The following RANGAP1 variants were observed in gnomAD, a reference collection of about 807,000 sequenced individuals.
RANGAP1 encodes the protein ran GTPase-activating protein 1.
Under a neutral mutation model 63.5 loss-of-function variants are expected in RANGAP1, and 38 were observed. That is an observed-to-expected ratio of 0.60 (90% CI 0.46 to 0.78). The LOEUF (loss-of-function observed/expected upper bound fraction) is 0.78. Among genes scored for constraint, RANGAP1 ranks in the 30% least tolerant of loss-of-function variants. The pLI, the probability that RANGAP1 is intolerant of heterozygous loss-of-function variation, is 0.00. For missense variants in RANGAP1, 630 were observed against 740.3 expected (o/e 0.85, Z 1.73); for synonymous variants, 329 against 310.5 (o/e 1.06, Z -0.63).
chr22:41,253,081 C>T (rs746628155), intron 11 of RANGAP1, 90 bp from the exon 12 acceptor site: 1 of 1,261,820 alleles, frequency 7.9e-7, no homozygotes, highest in Non-Finnish European at 1.0e-6. Flanking sequence ...AGCACATCCA[C>T]CCTTCACTCC....
chr22:41,264,446 G>A (rs1039981765), intron 5 of RANGAP1, among the ~76,000 whole-genome samples: 10 of 152,198 alleles, frequency 6.6e-5, no homozygotes, highest in African/African-American at 1.7e-4. Context: ...CTCCCTCTGC[G>A]TTGCCAAGCC....
In RANGAP1 at chr22:41,280,916, A is replaced by C; in HGVS notation, c.112+17T>G. On this transcript the variant is annotated intron_variant, in intron 2 of 15. Transcript: ENST00000356244. ...TCCTCCCCTGGACACACCAGTGCAC[A>C]ACTTCCAGAAACTCACCATCTTCTG... The C allele has an allele frequency of 6.2e-7, 1 of 1,613,782 alleles. No homozygotes were observed. Among genetic ancestry groups the C allele is most frequent in the Non-Finnish European group, 8.5e-7 (1 of 1,180,026 alleles).
chr22:41,266,293 C>T (rs2034474170), intron 4 of RANGAP1, among the ~76,000 whole-genome samples: 2 of 151,496 alleles, frequency 1.3e-5, no homozygotes, highest in African/African-American at 4.8e-5. Context: ...CACATGCCAT[C>T]TTCTAACCCC....
At chr22:41,295,308 G>C in the RANGAP1 span, among the ~76,000 whole-genome samples, 1 of 151,756 alleles carries the variant, frequency 6.6e-6, no homozygotes, top group Non-Finnish European at 1.5e-5. Flanking sequence ...CCGTGTCTGT[G>C]TAGAAAGAGG....
At chr22:41,270,281 C>T (rs915945192) in intron 3 of RANGAP1, among the ~76,000 whole-genome samples, 2 of 152,214 alleles carry the variant, frequency 1.3e-5, no homozygotes, top group East Asian at 1.9e-4. Flanking sequence ...GATGGGATTA[C>T]AGGCACCCGC....
intron 5 of RANGAP1, among the ~76,000 whole-genome samples, chr22:41,264,233 G>A (rs2034334374): frequency 1.3e-5 from 2 of 152,200 alleles, no homozygotes; most frequent in African/African-American, 2.4e-5. Flanking sequence ...GACCTTGCCT[G>A]AGGACACCTC....
At chr22:41,265,004 G>A (rs1405047098) in intron 4 of RANGAP1, among the ~76,000 whole-genome samples, 161 bp from the exon 5 acceptor site, 2 of 152,252 alleles carry the variant, frequency 1.3e-5, no homozygotes, top group Non-Finnish European at 2.9e-5. Flanking sequence ...TGGAAACCCT[G>A]CAAAGGGCTC....
intron 2 of RANGAP1, 78 bp downstream of exon 2, chr22:41,280,855 A>G: frequency 1.3e-6 from 2 of 1,594,986 alleles, no homozygotes; most frequent in Non-Finnish European, 1.7e-6. Context: ...TAGCAGAAAG[A>G]GCCTGACAAC....
chr22:41,253,363 G>T (rs1445878747), intron 11 of RANGAP1, among the ~76,000 whole-genome samples: 3 of 152,254 alleles, frequency 2.0e-5, no homozygotes, highest in Non-Finnish European at 4.4e-5. Context: ...AGCCCTGCTA[G>T]CACCAGAGGT....
chr22:41,294,966 T>C, the RANGAP1 span, among the ~76,000 whole-genome samples: 11 of 91,988 alleles, frequency 1.2e-4, no homozygotes, highest in African/African-American at 4.2e-4. Context: ...CCGCCCCATC[T>C]GGGAGGGAGG....
chr22:41,254,535 C>T (rs1214531308), intron 10 of RANGAP1, 41 bp from the exon 11 acceptor site: 1 of 1,543,942 alleles, frequency 6.5e-7, no homozygotes, highest in Non-Finnish European at 8.7e-7. Context: ...CTCTACCCAG[C>T]AGCCCAGGTT....
chr22:41,279,265 T>A (rs1053760055), intron 2 of RANGAP1, among the ~76,000 whole-genome samples: 2 of 151,446 alleles, frequency 1.3e-5, no homozygotes, highest in Non-Finnish European at 2.9e-5. Context: ...AGGTCAGGAG[T>A]TCTAGACCAG....
At chr22:41,250,488 G>A (rs575383855) in intron 13 of RANGAP1, among the ~76,000 whole-genome samples, 3 of 152,350 alleles carry the variant, frequency 2.0e-5, no homozygotes, top group African/African-American at 7.2e-5. Context: ...TGGAAACAGG[G>A]TGGAAGGTGA....
the RANGAP1 span, among the ~76,000 whole-genome samples, chr22:41,297,686 C>CTTTT: frequency 5.4e-5 from 5 of 93,376 alleles, no homozygotes; most frequent in African/African-American, 1.2e-4. Context: ...CCACACCTGG[C>CTTTT]TTTTTTTTTT....
chr22:41,267,871 TG>T (rs1026268060), intron 4 of RANGAP1, among the ~76,000 whole-genome samples: 46 of 152,258 alleles, frequency 3.0e-4, no homozygotes, highest in African/African-American at 1.1e-3. Flanking sequence ...CCCACCTCCC[TG>T]AAGTCCCCAC....
chr22:41,269,902 C>G (rs1056337681), intron 3 of RANGAP1, among the ~76,000 whole-genome samples: 29 of 152,118 alleles, frequency 1.9e-4, no homozygotes, highest in African/African-American at 7.0e-4. Flanking sequence ...GGAGCAATCT[C>G]GGCTCACTGC....
At chr22:41,279,033 C>A (rs763800091) in intron 2 of RANGAP1, among the ~76,000 whole-genome samples, 6 of 152,232 alleles carry the variant, frequency 3.9e-5, no homozygotes, top group Non-Finnish European at 8.8e-5. Context: ...GTCCCAGCTA[C>A]TCAGGAGGAT....
chr22:41,294,005 C>A, the RANGAP1 span, among the ~76,000 whole-genome samples: 1 of 150,566 alleles, frequency 6.6e-6, no homozygotes, highest in African/African-American at 2.5e-5. Flanking sequence ...GCCCATCCTG[C>A]AGTTAGAAAA....
At chr22:41,293,921 C>T in the RANGAP1 span, among the ~76,000 whole-genome samples, 26 of 152,046 alleles carry the variant, frequency 1.7e-4, no homozygotes, top group African/African-American at 6.3e-4. Context: ...CCTCAGCTTC[C>T]CAAAGTGCCG....
Sources: gnomAD v4.1 joint callset for allele counts (sites outside exome capture counted in the v4.1 genomes callset) on GRCh38, gnomAD v4.1.1 for gene constraint, MANE v1.5 for transcripts, NCBI Gene and HGNC (gene_info 2026-07-23, HGNC 2026-07-21) for gene names.